The following DUSP29 variants were observed in gnomAD, a reference collection of about 807,000 sequenced individuals.
The protein encoded by DUSP29 is dual specificity phosphatase 29, also known as atypical dual-specific protein phosphatase.
In DUSP29, 12 loss-of-function variants were observed where a neutral mutation model predicts 13.5. That is an observed-to-expected ratio of 0.89 (90% confidence interval 0.57 to 1.44). The LOEUF (loss-of-function observed/expected upper bound fraction) is 1.44, where lower values mean the gene tolerates loss of function less well. Ranked by LOEUF, DUSP29 falls within the 40% of genes most tolerant of loss-of-function variation. DUSP29 has a pLI of 0.00. For synonymous variants in DUSP29, 134 were observed against 128.7 expected, an observed-to-expected ratio of 1.04 and a Z score of -0.28; for missense variants, 308 against 301.1, an observed-to-expected ratio of 1.02 and a Z score of -0.17.
At chr10:75,070,095 A>T (rs1439262906) in intron 1 of DUSP29, among the ~76,000 whole-genome samples, 5 of 87,364 alleles carry the variant, frequency 5.7e-5, no homozygotes, top group African/African-American at 2.9e-4. Flanking sequence ...GGAAGGAAGG[A>T]AGGAAGGAAG....
chr10:75,038,230 C>CT (rs1311529088), intron 3 of DUSP29, among the ~76,000 whole-genome samples, 153 bp from the exon 4 acceptor site: 1 of 152,190 alleles, frequency 6.6e-6, no homozygotes, highest in Non-Finnish European at 1.5e-5. Flanking sequence ...CGGGGACACT[C>CT]TCGGTGTCTT....
chr10:75,050,069 G>C (rs1184575487), intron 2 of DUSP29, among the ~76,000 whole-genome samples: 1 of 152,212 alleles, frequency 6.6e-6, no homozygotes, highest in Admixed American at 6.5e-5. Flanking sequence ...CACCCGCATT[G>C]TGGAGAGGGA....
intron 3 of DUSP29, among the ~76,000 whole-genome samples, chr10:75,041,674 G>A (rs2134280800): frequency 6.6e-6 from 1 of 152,290 alleles, no homozygotes; most frequent in African/African-American, 2.4e-5. Context: ...TCTCCAGTGG[G>A]GTCATGTCCT....
At position 75,038,089 on chromosome 10, in the gene DUSP29, G is replaced by A. The variant is rs749686638; in HGVS notation, c.422-12C>T. On this transcript the variant is annotated splice_polypyrimidine_tract_variant and intron_variant, in intron 3 of 3. Transcript: ENST00000338487. Reference sequence around the variant, plus strand: ...AACCAGGATCTTACCTGCAGATGGAGCAGGGAGGAGAAAACCCACACTGAG... The same window carrying A: ...AACCAGGATCTTACCTGCAGATGGAACAGGGAGGAGAAAACCCACACTGAG... The A allele has an allele frequency of 2.5e-6, 4 of 1,606,950 alleles. No homozygotes were observed. Among genetic ancestry groups the A allele is most frequent in the African/African-American group, 2.7e-5 (2 of 74,818 alleles).
intron 3 of DUSP29, among the ~76,000 whole-genome samples, chr10:75,042,238 T>C (rs1312470447): frequency 6.6e-6 from 1 of 152,262 alleles, no homozygotes; most frequent in Non-Finnish European, 1.5e-5. Flanking sequence ...ACATCGTTAG[T>C]AAATTGTGTG....
intron 2 of DUSP29, among the ~76,000 whole-genome samples, chr10:75,048,027 G>A (rs911256566): frequency 1.3e-5 from 2 of 152,094 alleles, no homozygotes; most frequent in Admixed American, 6.5e-5. Context: ...CATTATATAG[G>A]TATGTCCCAA....
chr10:75,043,702 G>GTGGGGC, intron 3 of DUSP29, 95 bp downstream of exon 3: 1 of 1,170,126 alleles, frequency 8.5e-7, no homozygotes, highest in Non-Finnish European at 1.2e-6. Context: ...CGGAGCCTTA[G>GTGGGGC]TGGGGCGGGG....
intron 1 of DUSP29, among the ~76,000 whole-genome samples, chr10:75,066,693 C>T (rs1486373547): frequency 6.6e-6 from 1 of 152,048 alleles, no homozygotes; most frequent in African/African-American, 2.4e-5. Flanking sequence ...ACCCAAAACC[C>T]CCGGGCCGAG....
chr10:75,072,247 A>G (rs1394143512), intron 1 of DUSP29, among the ~76,000 whole-genome samples: 2 of 152,156 alleles, frequency 1.3e-5, no homozygotes, highest in Non-Finnish European at 2.9e-5. Context: ...ACAGCAAACT[A>G]AAAGAGCACC....
chr10:75,053,533 C>T (rs2134292359), intron 2 of DUSP29, among the ~76,000 whole-genome samples: 1 of 152,292 alleles, frequency 6.6e-6, no homozygotes, highest in South Asian at 2.1e-4. Context: ...AATAATTTGT[C>T]CAAGGTCACA....
intron 1 of DUSP29, among the ~76,000 whole-genome samples, chr10:75,069,550 G>A (rs1003833480): frequency 3.9e-5 from 6 of 152,132 alleles, no homozygotes; most frequent in Non-Finnish European, 7.3e-5. Context: ...TCCTGTCCAG[G>A]CCACTTATTC....
chr10:75,053,016 G>T (rs1257723863), intron 2 of DUSP29, among the ~76,000 whole-genome samples: 1 of 152,256 alleles, frequency 6.6e-6, no homozygotes, highest in African/African-American at 2.4e-5. Flanking sequence ...AGGCTGGCAA[G>T]ATCTCAAATC....
intron 3 of DUSP29, among the ~76,000 whole-genome samples, chr10:75,043,347 G>A (rs1430760592): frequency 6.6e-6 from 1 of 152,354 alleles, no homozygotes; most frequent in Admixed American, 6.5e-5. Flanking sequence ...GGCACAATTA[G>A]TGTCTCCGGC....
intron 1 of DUSP29, among the ~76,000 whole-genome samples, chr10:75,065,098 C>A (rs1166779272): frequency 6.6e-6 from 1 of 152,122 alleles, no homozygotes; most frequent in Non-Finnish European, 1.5e-5. Context: ...TTCCATCCTC[C>A]CTGAGCTCCA....
chr10:75,056,867 T>C (rs1008608481), intron 2 of DUSP29, among the ~76,000 whole-genome samples: 5 of 152,160 alleles, frequency 3.3e-5, no homozygotes, highest in African/African-American at 1.2e-4. Flanking sequence ...AAGCATGTCA[T>C]ATTTGTAACT....
At chr10:75,054,508 T>A (rs969683269) in intron 2 of DUSP29, among the ~76,000 whole-genome samples, 1 of 152,194 alleles carries the variant, frequency 6.6e-6, no homozygotes, top group Non-Finnish European at 1.5e-5. Context: ...AGAAAATGAA[T>A]AATCATTATA....
chr10:75,059,991 T>C (rs1847051660), intron 1 of DUSP29, among the ~76,000 whole-genome samples: 1 of 150,676 alleles, frequency 6.6e-6, no homozygotes, highest in South Asian at 2.1e-4. Context: ...AAACCCCATC[T>C]CTACTAAAAA....
chr10:75,064,215 A>G (rs112393257), intron 1 of DUSP29, among the ~76,000 whole-genome samples: 1 of 113,588 alleles, frequency 8.8e-6, no homozygotes, highest in African/African-American at 4.7e-5. Flanking sequence ...TTTTTTTTTT[A>G]AAGTTTTTTT....
chr10:75,048,796 G>C lies in DUSP29; in HGVS notation c.201-4779C>G, dbSNP rs148152009. Among the ~76,000 whole-genome samples, 469 of 152,296 alleles carry C rather than the reference G, an allele frequency of 3.1e-3. 9 individuals carry two copies. Among genetic ancestry groups the C allele is most frequent in the African/African-American group, 0.011 (451 of 41,550 alleles). On this transcript the variant is annotated intron_variant, in intron 2 of 3. Coordinates refer to ENST00000338487, the MANE Select transcript of DUSP29 (RefSeq NM_001003892.3). ...GGAAAGTGAAATGAACCGGCCTTCC[G>C]GTGTCTTGGGTGTTCTTGTTACTTG...
Sources: gnomAD v4.1 joint callset for allele counts (sites outside exome capture counted in the v4.1 genomes callset) on GRCh38, gnomAD v4.1.1 for gene constraint, MANE v1.5 for transcripts, NCBI Gene and HGNC (gene_info 2026-07-23, HGNC 2026-07-21) for gene names.